Variants in NUDCD3 observed in about 807,000 individuals in gnomAD.
NUDCD3 encodes nudC domain-containing protein 3.
A neutral mutation model predicts 39.7 loss-of-function variants in NUDCD3; 13 were observed. That is an observed-to-expected ratio of 0.33 (90% CI 0.21 to 0.52). NUDCD3 has a LOEUF of 0.52. NUDCD3 is among the 20% of genes least tolerant of loss of function. The pLI, the probability that NUDCD3 is intolerant of heterozygous loss-of-function variation, is 0.96. For synonymous variants in NUDCD3, 175 were observed against 172.4 expected (o/e 1.02, Z -0.12); for missense variants, 453 against 458.1 (o/e 0.99, Z 0.10).
At position 44,412,591 on chromosome 7, in the gene NUDCD3, T is replaced by C. The variant is rs147276043; in HGVS notation, c.643-8008A>G. Among the ~76,000 whole-genome samples the C allele has an allele frequency of 1.6e-4, 25 of 152,352 alleles. No homozygotes were observed. In the East Asian group the frequency reaches 4.6e-3, roughly 28 times the overall value. On this transcript the variant is annotated intron_variant, in intron 3 of 5. Transcript: ENST00000355451. ...CAAATTGCCACTTAGAAGTCTTCTA[T>C]GAAGAAAACAAATCATTTCATTTCT...
intron 2 of NUDCD3, chr7:44,481,566 G>A (rs1800491557): frequency 6.6e-6 from 1 of 152,170 alleles, no homozygotes; most frequent in Admixed American, 6.5e-5. Context: ...TGAATAACCA[G>A]GACTGTAACT....
At chr7:44,471,395 T>C (rs971104576) in intron 2 of NUDCD3, among the ~76,000 whole-genome samples, 13 of 152,222 alleles carry the variant, frequency 8.5e-5, no homozygotes, top group African/African-American at 3.1e-4. Flanking sequence ...CAATCCAAGG[T>C]TGGTTGGATC....
At chr7:44,464,938 C>A (rs530896710) in intron 2 of NUDCD3, among the ~76,000 whole-genome samples, 2 of 152,248 alleles carry the variant, frequency 1.3e-5, no homozygotes, top group East Asian at 1.9e-4. Context: ...AAAACAATAA[C>A]CCACATCCAT....
At chr7:44,424,591 C>T (rs1310514628) in intron 3 of NUDCD3, among the ~76,000 whole-genome samples, 1 of 152,290 alleles carries the variant, frequency 6.6e-6, no homozygotes, top group South Asian at 2.1e-4. Flanking sequence ...CAACGAGATA[C>T]CATCTCATGC....
intron 2 of NUDCD3, among the ~76,000 whole-genome samples, chr7:44,434,531 A>C (rs536508369): frequency 1.3e-5 from 2 of 152,168 alleles, no homozygotes; most frequent in African/African-American, 4.8e-5. Flanking sequence ...TTCTAAGTTC[A>C]TGCTTCTTTA....
chr7:44,443,465 C>A (rs576810288), intron 2 of NUDCD3, among the ~76,000 whole-genome samples: 1 of 152,060 alleles, frequency 6.6e-6, no homozygotes, highest in Non-Finnish European at 1.5e-5. Context: ...GGCTGGAGTG[C>A]AGTGGCGCCA....
chr7:44,392,065 G>A (rs1798526999), intron 5 of NUDCD3, among the ~76,000 whole-genome samples: 1 of 152,226 alleles, frequency 6.6e-6, no homozygotes, highest in Admixed American at 6.5e-5. Context: ...CCTGTTAACT[G>A]GGCTCTCAGC....
rs138434088 is a variant in NUDCD3 at position 44,458,265 on chromosome 7, T to C, written c.509+26703A>G. ...TATATGAAATGTCAGAATTGGCAAA[T>C]CTACAAAGGCAAAGTAGACTGGTAA... On this transcript the variant is annotated intron_variant, in intron 2 of 5. Transcript: ENST00000355451. 2.0e-5 allele frequency among the ~76,000 whole-genome samples: 3 copies of C among 152,242 alleles called. No individual in the cohort carries two copies. The East Asian group carries it at 5.8e-4, about 29-fold the overall frequency.
At chr7:44,440,271 A>G (rs1200322249) in intron 2 of NUDCD3, among the ~76,000 whole-genome samples, 1 of 152,232 alleles carries the variant, frequency 6.6e-6, no homozygotes. Flanking sequence ...CCAAATCCAT[A>G]GCCCTGAGTC....
At chr7:44,440,496 GAA>G (rs72065068) in intron 2 of NUDCD3, among the ~76,000 whole-genome samples, 99 of 48,406 alleles carry the variant, frequency 2.0e-3, no homozygotes, top group African/African-American at 5.3e-3. Flanking sequence ...CAGAAAAATT[GAA>G]AAAAAAAAAA....
At chr7:44,469,347 T>G (rs1800204559) in intron 2 of NUDCD3, among the ~76,000 whole-genome samples, 1 of 152,144 alleles carries the variant, frequency 6.6e-6, no homozygotes, top group Non-Finnish European at 1.5e-5. Context: ...TGTTGCCCAA[T>G]TCTAGAAACA....
At chr7:44,473,640 T>C (rs188723558) in intron 2 of NUDCD3, among the ~76,000 whole-genome samples, 35 of 152,284 alleles carry the variant, frequency 2.3e-4, no homozygotes, top group African/African-American at 6.7e-4. Context: ...TATTAAAATT[T>C]TGCAAAAGAT....
chr7:44,433,879 T>A (rs1799417105), intron 2 of NUDCD3, among the ~76,000 whole-genome samples: 1 of 151,788 alleles, frequency 6.6e-6, no homozygotes, highest in Non-Finnish European at 1.5e-5. Context: ...CATGATTGAG[T>A]CGTCATGACT....
At chr7:44,487,192 A>C (rs1485422957) in intron 1 of NUDCD3, among the ~76,000 whole-genome samples, 1 of 152,208 alleles carries the variant, frequency 6.6e-6, no homozygotes, top group Non-Finnish European at 1.5e-5. Context: ...CAATTTTCAC[A>C]TACATCATTC....
At chr7:44,400,790 G>A (rs988348020) in intron 4 of NUDCD3, among the ~76,000 whole-genome samples, 4 of 152,140 alleles carry the variant, frequency 2.6e-5, no homozygotes, top group African/African-American at 9.7e-5. Context: ...GGCCTTCTCT[G>A]TGTCTATCTC....
chr7:44,468,259 A>T, intron 2 of NUDCD3: 1 of 1,592,650 alleles, frequency 6.3e-7, no homozygotes, highest in Non-Finnish European at 8.5e-7. Context: ...TGGCCATCAG[A>T]GTCACCAACC....
intron 2 of NUDCD3, among the ~76,000 whole-genome samples, chr7:44,455,325 C>T (rs976975313): frequency 6.6e-6 from 1 of 152,130 alleles, no homozygotes; most frequent in Non-Finnish European, 1.5e-5. Flanking sequence ...GGTCCTTTCT[C>T]ATCCACAGTT....
intron 3 of NUDCD3, among the ~76,000 whole-genome samples, chr7:44,416,922 T>C (rs1799036175): frequency 1.3e-5 from 2 of 152,082 alleles, no homozygotes; most frequent in Admixed American, 6.5e-5. Flanking sequence ...GCCTGCATGA[T>C]AGGAGGACTG....
intron 3 of NUDCD3, among the ~76,000 whole-genome samples, chr7:44,410,299 T>G (rs1266012084): frequency 6.6e-6 from 1 of 152,154 alleles, no homozygotes; most frequent in Non-Finnish European, 1.5e-5. Flanking sequence ...ACTATAAAGC[T>G]ACAGTAATCA....
Sources: allele counts gnomAD v4.1 joint callset (sites outside exome capture counted in the v4.1 genomes callset), GRCh38; gene constraint gnomAD v4.1.1; transcripts MANE v1.5; gene names NCBI Gene and HGNC (gene_info 2026-07-23, HGNC 2026-07-21).